SNX29: variants seen among roughly 807,000 people sequenced by gnomAD.
SNX29 encodes sorting nexin-29.
Under a neutral mutation model 102.1 loss-of-function variants are expected in SNX29, and 78 were observed. The observed-to-expected ratio is 0.76, with a 90% CI of 0.64 to 0.92. The LOEUF (loss-of-function observed/expected upper bound fraction) is 0.92. Ranked by LOEUF, SNX29 falls within the 40% of genes least tolerant of loss-of-function variation. The pLI is 0.00. For missense variants in SNX29, 1,280 were observed against 1,061.7 expected, an observed-to-expected ratio of 1.21 and a Z score of -2.86; for synonymous variants, 580 against 414.5, an observed-to-expected ratio of 1.40 and a Z score of -4.85.
rs35348415 is a variant in SNX29, at chr16:12,462,593, T to TACACAC, written c.2038-15113_2038-15108dup. ...AGTCTTATTTCTGGGGATTTCATTA[T>TACACAC]ACACACACACACACACACGTGACTG... On this transcript the variant is annotated intron_variant, in intron 18 of 20. Transcript: ENST00000566228. Among the ~76,000 whole-genome samples, 237 of 151,030 alleles carry TACACAC rather than the reference T, an allele frequency of 1.6e-3. 1 individual carries two copies. Among genetic ancestry groups the TACACAC allele is most frequent in the African/African-American group, 5.3e-3 (219 of 41,232 alleles).
At chr16:12,039,592 G>C (rs2057571395) in intron 4 of SNX29, among the ~76,000 whole-genome samples, 1 of 152,088 alleles carries the variant, frequency 6.6e-6, no homozygotes, top group Non-Finnish European at 1.5e-5. Flanking sequence ...CTTCTGGAAG[G>C]CAGGTTCAAA....
intron 15 of SNX29, among the ~76,000 whole-genome samples, chr16:12,345,329 G>A (rs1325675956): frequency 6.6e-6 from 1 of 152,164 alleles, no homozygotes; most frequent in Non-Finnish European, 1.5e-5. Context: ...GTCCCTGTGG[G>A]CCTCAGTTTC....
chr16:12,448,152 T>TA (rs1399537017), intron 18 of SNX29, among the ~76,000 whole-genome samples: 9 of 152,190 alleles, frequency 5.9e-5, no homozygotes, highest in African/African-American at 2.2e-4. Context: ...TCAGAGGGGT[T>TA]AAGCAAGGTG....
chr16:11,999,903 TAA>T (rs369495382), intron 2 of SNX29, among the ~76,000 whole-genome samples: 3 of 143,110 alleles, frequency 2.1e-5, no homozygotes, highest in Admixed American at 1.4e-4. Flanking sequence ...TTTGTGTCAT[TAA>T]AAAAAAAAAA....
At chr16:12,277,507 C>CTTTCCATTTTCTCCTGAAATGGA (rs1350430042) in intron 14 of SNX29, among the ~76,000 whole-genome samples, 1 of 152,202 alleles carries the variant, frequency 6.6e-6, no homozygotes, top group Non-Finnish European at 1.5e-5. Context: ...AAAGTAGTGA[C>CTTTCCATTTTCTCCTGAAATGGA]AAGATTATTT....
chr16:12,569,763 A>G lies in SNX29; in HGVS notation c.*1134A>G, dbSNP rs917042471. On this transcript the variant is annotated 3_prime_UTR_variant, in exon 21 of 21. Transcript: ENST00000566228. Reference sequence around the variant, plus strand: ...GCTCCTCCTCCAGTGAGCTCACATCAGAGCACCTCACAGAGCAATAGCCGT... The same window carrying G: ...GCTCCTCCTCCAGTGAGCTCACATCGGAGCACCTCACAGAGCAATAGCCGT... The G allele has an allele frequency of 4.3e-6, 1 of 230,494 alleles. No individual in the cohort carries two copies. The highest frequency in any genetic ancestry group is 8.6e-6 in the Non-Finnish European group (1 of 116,292). The allele number at this position is 230,494 out of a possible 1,614,324, so 14.3% of individuals were successfully genotyped here.
intron 14 of SNX29, among the ~76,000 whole-genome samples, chr16:12,225,391 C>T (rs1217689787): frequency 1.3e-5 from 2 of 152,088 alleles, no homozygotes; most frequent in Admixed American, 6.5e-5. Context: ...ATCATGGGAG[C>T]GGGTCTTTCC....
intron 15 of SNX29, among the ~76,000 whole-genome samples, chr16:12,302,436 C>A (rs1022352292): frequency 1.4e-4 from 22 of 152,166 alleles, no homozygotes; most frequent in African/African-American, 5.3e-4. Flanking sequence ...AACTTATAAA[C>A]AACAAAAATG....
In SNX29 at chr16:12,570,158, G is replaced by T. The variant is rs142196871; in HGVS notation, c.*1529G>T. ...AAGGCTGAGATCACTCACACACAGCGCCCCCCCACCCCAGAGAAACCGAGT... is the reference window on the plus strand; with the variant it reads ...AAGGCTGAGATCACTCACACACAGCTCCCCCCCACCCCAGAGAAACCGAGT... On this transcript the variant is annotated 3_prime_UTR_variant, in exon 21 of 21. Coordinates refer to ENST00000566228, the MANE Select transcript of SNX29 (RefSeq NM_032167.5). 9.1e-5 allele frequency: 97 copies of T among 1,064,134 alleles called. No individual in the cohort carries two copies. In the African/African-American group the frequency reaches 1.3e-3, roughly 15 times the overall value. The allele number at this position is 1,064,134 out of a possible 1,614,324, so 65.9% of individuals were successfully genotyped here.
At chr16:12,280,236 G>A (rs141105122) in intron 15 of SNX29, among the ~76,000 whole-genome samples, 8 of 152,362 alleles carry the variant, frequency 5.3e-5, no homozygotes, top group South Asian at 2.1e-4. Context: ...GGAGACTCAC[G>A]GGTCGGGAAC....
intron 13 of SNX29, among the ~76,000 whole-genome samples, chr16:12,185,406 C>G (rs1490344916): frequency 4.6e-5 from 7 of 152,130 alleles, no homozygotes; most frequent in Non-Finnish European, 8.8e-5. Context: ...GGGAAATGTC[C>G]TGAATTTTAA....
intron 11 of SNX29, among the ~76,000 whole-genome samples, chr16:12,111,913 C>G (rs1244359545): frequency 6.6e-6 from 1 of 152,098 alleles, no homozygotes; most frequent in Non-Finnish European, 1.5e-5. Context: ...GGTGGGGGGT[C>G]TAGGAAGCAC....
intron 13 of SNX29, among the ~76,000 whole-genome samples, chr16:12,189,424 A>G (rs907528547): frequency 2.0e-5 from 3 of 152,182 alleles, no homozygotes; most frequent in Non-Finnish European, 4.4e-5. Flanking sequence ...ATTGTGCAGA[A>G]TGTCCGTGCC....
At chr16:12,132,727 C>A (rs1475237987) in intron 13 of SNX29, among the ~76,000 whole-genome samples, 1 of 152,168 alleles carries the variant, frequency 6.6e-6, no homozygotes, top group Non-Finnish European at 1.5e-5. Context: ...GTTTTATAAT[C>A]CCTATTTAAG....
chr16:12,219,860 G>C (rs1243063695), intron 14 of SNX29, among the ~76,000 whole-genome samples: 1 of 152,152 alleles, frequency 6.6e-6, no homozygotes, highest in Non-Finnish European at 1.5e-5. Flanking sequence ...GTCCTATCTT[G>C]GGTCTGGCTC....
At chr16:12,090,544 A>G (rs1232712370) in intron 11 of SNX29, among the ~76,000 whole-genome samples, 4 of 152,154 alleles carry the variant, frequency 2.6e-5, no homozygotes, top group Non-Finnish European at 5.9e-5. Context: ...CCAAGGGTTC[A>G]AGTGCCAGCT....
chr16:12,025,238 G>A (rs937640415), intron 3 of SNX29, among the ~76,000 whole-genome samples: 4 of 139,628 alleles, frequency 2.9e-5, no homozygotes, highest in African/African-American at 8.1e-5. Flanking sequence ...GGAGGTGGAC[G>A]TTGCAGTGAG....
chr16:12,542,297 A>G (rs971249020), intron 20 of SNX29, among the ~76,000 whole-genome samples: 2 of 152,200 alleles, frequency 1.3e-5, no homozygotes, highest in Non-Finnish European at 2.9e-5. Context: ...CTTGCCCAAG[A>G]TCACAGCTAG....
At chr16:12,000,511 G>C (rs1000919642) in intron 2 of SNX29, 1 of 151,190 alleles carries the variant, frequency 6.6e-6, no homozygotes, top group South Asian at 2.1e-4. Context: ...TTTTAATAGG[G>C]GTGTGTGTTA....
Sources: gnomAD v4.1 joint callset for allele counts (sites outside exome capture counted in the v4.1 genomes callset) on GRCh38, gnomAD v4.1.1 for gene constraint, MANE v1.5 for transcripts, NCBI Gene and HGNC (gene_info 2026-07-23, HGNC 2026-07-21) for gene names.